Variants in GRIK5 observed in about 807,000 individuals in gnomAD.
GRIK5 encodes the protein glutamate ionotropic receptor kainate type subunit 5, also known as glutamate receptor ionotropic, kainate 5.
In GRIK5, 43 loss-of-function variants were observed where a neutral mutation model predicts 97.4. The ratio of observed to expected loss-of-function variants is 0.44; its 90% CI spans 0.35 to 0.57. The LOEUF is 0.57. Ranked by LOEUF, GRIK5 falls within the 20% of genes least tolerant of loss-of-function variation. The probability of loss-of-function intolerance (pLI) is 0.01; values close to 1 mark genes in which losing one functional copy is unlikely to be tolerated. For missense variants in GRIK5, 1,015 were observed against 1,382.0 expected (o/e 0.73, Z 4.21); for synonymous variants, 580 against 583.5 (o/e 0.99, Z 0.09).
At chr19:42,044,981 G>A (rs2076024989) in intron 11 of GRIK5, among the ~76,000 whole-genome samples, 1 of 152,204 alleles carries the variant, frequency 6.6e-6, no homozygotes. Context: ...TGTGTATTGA[G>A]AAACTGTGCT....
Position 42,042,879 on chromosome 19 carries a change from T to C in GRIK5, c.1270-124A>G, listed in dbSNP as rs1231066901. On this transcript the variant is annotated intron_variant, in intron 11 of 19. Coordinates refer to ENST00000593562, the MANE Select transcript of GRIK5 (RefSeq NM_002088.5). The surrounding 1 kb of genome is among the most constrained non-coding windows in gnomAD (Gnocchi z 6.9). ...TTGCTGAGCACGGTTGATTTATTCA[T>C]AGTACACATTTCTCACTTACAAATG... 1.4e-6 allele frequency: 1 copy of C among 701,894 alleles called. No individual in the cohort carries two copies. Among genetic ancestry groups the C allele is most frequent in the Non-Finnish European group, 2.4e-6 (1 of 420,222 alleles). The allele number at this position is 701,894 out of a possible 1,614,324, so 43.5% of individuals were successfully genotyped here. A position where few individuals can be genotyped will look rare whatever the true frequency, so the allele number is the denominator to read the frequency against.
At chr19:42,044,278 A>C (rs2076016415) in intron 11 of GRIK5, among the ~76,000 whole-genome samples, 1 of 152,238 alleles carries the variant, frequency 6.6e-6, no homozygotes, top group Non-Finnish European at 1.5e-5. Context: ...AGTCTCGGGC[A>C]GTTCTTTACA....
chr19:42,053,634 C>T lies in GRIK5; in HGVS notation c.1237G>A (p.Ala413Thr). The change falls in exon 11 of 20, where the codon GCC becomes ACC. Residue 413 changes from alanine (A) to threonine (T), a missense_variant. Ala to Thr is a moderately conservative substitution (Grantham distance 58). This residue lies in a region of GRIK5 where 477 missense variants were observed against 701.1 expected (regional missense o/e 0.68). Transcript: ENST00000593562. The part of the protein sequence containing the change: ...TLDINLSQTL[A>T]NKTLVVTTIL... ...GTTGTGACCACCAGGGTCTTGTTGG[C>T]CAGTGTCTGCGACAGGTTGATGTCC... The T allele has an allele frequency of 6.2e-7, 1 of 1,612,714 alleles. No individual in the cohort carries two copies. The highest frequency in any genetic ancestry group is 8.5e-7 in the Non-Finnish European group (1 of 1,178,732).
chr19:42,059,451 G>A lies in GRIK5; in HGVS notation c.585C>T (p.Asp195=), dbSNP rs761376011. 1.2e-6 allele frequency: 2 copies of A among 1,613,888 alleles called. No homozygotes were observed. The highest frequency in any genetic ancestry group is 1.7e-6 in the Non-Finnish European group (2 of 1,179,938). ...TGAGCAGTGGTGTGGGGTCCCGGCT[G>A]TCGTCCAACATCCTCACTGACAGCG... ...KETLSVRMLD[D]SRDPTPLLKE... Residue 195 remains aspartate, a synonymous_variant, in exon 6 of 20, where the codon GAC becomes GAT. Coordinates refer to ENST00000593562, the MANE Select transcript of GRIK5 (RefSeq NM_002088.5).
intron 11 of GRIK5, among the ~76,000 whole-genome samples, chr19:42,043,084 A>T (rs1568914267): frequency 6.6e-6 from 1 of 152,174 alleles, no homozygotes; most frequent in African/African-American, 2.4e-5. Context: ...TCTTGTGCCA[A>T]AGTGGATCAG....
chr19:42,014,874 G>C (rs2075606494), intron 15 of GRIK5, among the ~76,000 whole-genome samples: 1 of 152,206 alleles, frequency 6.6e-6, no homozygotes, highest in South Asian at 2.1e-4. Flanking sequence ...GGGCAACAAA[G>C]TGAGACCCTA....
chr19:42,040,724 C>T (rs1045473731), intron 12 of GRIK5, among the ~76,000 whole-genome samples: 5 of 151,964 alleles, frequency 3.3e-5, no homozygotes, highest in Non-Finnish European at 7.4e-5. Context: ...GGCACGGTGG[C>T]GCACCTGTAA....
At chr19:42,064,701 C>T (rs1599855148) in intron 3 of GRIK5, among the ~76,000 whole-genome samples, 1 of 152,358 alleles carries the variant, frequency 6.6e-6, no homozygotes, top group African/African-American at 2.4e-5. Flanking sequence ...GGCAGCATCT[C>T]CCAAAGGTCT....
intron 1 of GRIK5, among the ~76,000 whole-genome samples, chr19:42,066,635 TG>T (rs2076336749): frequency 6.8e-6 from 1 of 147,658 alleles, no homozygotes; most frequent in Non-Finnish European, 1.5e-5. Flanking sequence ...GGGGTAGAAA[TG>T]GAGAGAAAAG....
chr19:42,056,275 C>T (rs146405283), intron 8 of GRIK5, among the ~76,000 whole-genome samples: 133 of 152,216 alleles, frequency 8.7e-4, no homozygotes, highest in African/African-American at 3.0e-3. Flanking sequence ...TGAGCCACCG[C>T]GCCGGGCCAA....
intron 1 of GRIK5, chr19:42,068,925 G>A (rs751219386): frequency 5.9e-5 from 39 of 663,696 alleles, no homozygotes; most frequent in Non-Finnish European, 8.8e-5. Context: ...ACGGAGGCTT[G>A]GAGACAGCAG....
intron 8 of GRIK5, 94 bp from the exon 9 acceptor site, chr19:42,054,566 A>C: frequency 7.1e-7 from 1 of 1,398,868 alleles, no homozygotes; most frequent in Non-Finnish European, 9.8e-7. Flanking sequence ...CAAACCCTCA[A>C]ATAACTTCCC....
chr19:42,022,462 G>A lies in GRIK5; in HGVS notation c.1474-108C>T. ...GTGAGCAACTGAGGGAGGCGAGAGA[G>A]AGAGAGGTAGGGAGGGGGAGGGGCC... On this transcript the variant is annotated intron_variant, in intron 12 of 19. Coordinates refer to ENST00000593562, the MANE Select transcript of GRIK5 (RefSeq NM_002088.5). The surrounding 1 kb of genome is among the most constrained non-coding windows in gnomAD (Gnocchi z 4.2). 2.0e-6 allele frequency: 3 copies of A among 1,484,026 alleles called. No homozygotes were observed. Among genetic ancestry groups the A allele is most frequent in the Non-Finnish European group, 2.7e-6 (3 of 1,111,670 alleles). The allele number at this position is 1,484,026 out of a possible 1,614,324, so 91.9% of individuals were successfully genotyped here.
At chr19:42,068,818 A>C in intron 1 of GRIK5, 1 of 639,004 alleles carries the variant, frequency 1.6e-6, no homozygotes, top group Non-Finnish European at 2.8e-6. Flanking sequence ...AGACATATCC[A>C]GGAGATAGAG....
At chr19:42,011,142 C>T (rs1429578663) in intron 15 of GRIK5, among the ~76,000 whole-genome samples, 5 of 151,580 alleles carry the variant, frequency 3.3e-5, no homozygotes, top group Admixed American at 3.3e-4. Flanking sequence ...CACACACACA[C>T]CCCTAATGTA....
At chr19:42,059,261 C>T (rs891949894) in intron 6 of GRIK5, 88 bp downstream of exon 6, 2 of 1,014,760 alleles carry the variant, frequency 2.0e-6, no homozygotes, top group East Asian at 2.4e-5. Flanking sequence ...CCTTTTGACT[C>T]CTGAGGCCCA....
rs574114722 is a variant in GRIK5, at chr19:42,062,720, G to A, written c.342+38C>T. On this transcript the variant is annotated intron_variant, in intron 4 of 19. Coordinates refer to ENST00000593562, the MANE Select transcript of GRIK5 (RefSeq NM_002088.5). The surrounding 1 kb of genome is among the most constrained non-coding windows in gnomAD (Gnocchi z 5.3). ...CCCAGCCCTCGCCTCCCAGGGACCC[G>A]CTCCCCACAAAGCGCCGGCCCACAC... 56 of 1,610,892 alleles carry A rather than the reference G, an allele frequency of 3.5e-5. No individual in the cohort carries two copies. Among genetic ancestry groups the A allele is most frequent in the South Asian group, 2.5e-4 (23 of 91,014 alleles).
chr19:42,006,635 G>A lies in GRIK5; in HGVS notation c.2037+10C>T, dbSNP rs1555872746. ...CCAACACCACGCCTGAGAGGTTCTG[G>A]TGGCCCCACCTGGAAGAAGGTCATG... On this transcript the variant is annotated intron_variant, in intron 16 of 19. Transcript: ENST00000593562. This position sits in a 1 kb window ranked among gnomAD's most constrained non-coding sequence, Gnocchi z 5.3. 1.2e-6 allele frequency: 2 copies of A among 1,612,854 alleles called. No individual in the cohort carries two copies. The highest frequency in any genetic ancestry group is 2.7e-5 in the African/African-American group (2 of 74,906).
In GRIK5 at chr19:42,003,691, G is replaced by A. The variant is rs782129385; in HGVS notation, c.2264-8C>T. On this transcript the variant is annotated splice_polypyrimidine_tract_variant and splice_region_variant and intron_variant, in intron 17 of 19. Coordinates refer to ENST00000593562, the MANE Select transcript of GRIK5 (RefSeq NM_002088.5). This position sits in a 1 kb window ranked among gnomAD's most constrained non-coding sequence, Gnocchi z 4.2. ...CATCCCGGAACGGGGAGCCTGGGCA[G>A]GCACACGAGGGGCTGGACCAGCCAT... 1.4e-5 allele frequency: 22 copies of A among 1,603,720 alleles called. No homozygotes were observed. In the East Asian group the frequency reaches 4.7e-4, roughly 34 times the overall value.
Sources: gnomAD v4.1 joint callset for allele counts (sites outside exome capture counted in the v4.1 genomes callset) on GRCh38, gnomAD v4.1.1 for gene constraint, gnomAD v4.1.1 regional missense constraint, Gnocchi (gnomAD v3.1) non-coding constraint, MANE v1.5 for transcripts, NCBI Gene and HGNC (gene_info 2026-07-23, HGNC 2026-07-21) for gene names.